The following NRXN1 variants were observed in gnomAD, a reference collection of about 807,000 sequenced individuals.
NRXN1 encodes neurexin 1.
NRXN1 carries 39 observed loss-of-function variants against 150.9 expected under a neutral mutation model. The ratio of observed to expected loss-of-function variants is 0.26; its 90% CI spans 0.20 to 0.34. The LOEUF is 0.34. Among genes scored for constraint, NRXN1 ranks in the 10% least tolerant of loss-of-function variants. NRXN1 has a pLI of 1.00. For missense variants in NRXN1, 1,815 were observed against 1,949.9 expected (o/e 0.93, Z 1.30); for synonymous variants, 924 against 757.0 (o/e 1.22, Z -3.62).
intron 5 of NRXN1, among the ~76,000 whole-genome samples, chr2:50,904,644 T>C (rs758197088): frequency 2.6e-5 from 4 of 151,750 alleles, no homozygotes; most frequent in Non-Finnish European, 4.4e-5. Context: ...AAACAACCTG[T>C]CTGCATTAAA....
At chr2:50,372,920 A>G (rs1198476377) in intron 17 of NRXN1, among the ~76,000 whole-genome samples, 1 of 152,086 alleles carries the variant, frequency 6.6e-6, no homozygotes, top group Non-Finnish European at 1.5e-5. Flanking sequence ...ACCTTACCAT[A>G]CCTGCTTCTT....
At chr2:50,465,406 C>G (rs770089839) in intron 17 of NRXN1, 36 bp downstream of exon 17, 15 of 1,553,736 alleles carry the variant, frequency 9.7e-6, no homozygotes, top group Admixed American at 5.6e-5. Flanking sequence ...CTGGAAGCAA[C>G]GATGAGTATC....
At chr2:49,922,374 T>C in intron 22 of NRXN1, 123 bp from the exon 23 acceptor site, 1 of 991,070 alleles carries the variant, frequency 1.0e-6, no homozygotes, top group East Asian at 2.6e-5. Context: ...GGTATGCTAT[T>C]GATAAATGTA....
chr2:50,463,631 C>T (rs1251576992), intron 17 of NRXN1, among the ~76,000 whole-genome samples: 1 of 151,652 alleles, frequency 6.6e-6, no homozygotes, highest in Non-Finnish European at 1.5e-5. Flanking sequence ...AAAAATCATT[C>T]GAAGACAGCA....
At chr2:50,937,510 C>G (rs913080772) in intron 2 of NRXN1, among the ~76,000 whole-genome samples, 3 of 152,100 alleles carry the variant, frequency 2.0e-5, no homozygotes, top group Non-Finnish European at 4.4e-5. Context: ...GGAACTCAAT[C>G]AACTGGACAT....
intron 18 of NRXN1, among the ~76,000 whole-genome samples, chr2:50,117,787 A>C (rs1399997265): frequency 1.3e-5 from 2 of 151,814 alleles, no homozygotes; most frequent in Non-Finnish European, 2.9e-5. Context: ...AAAAAAAAAA[A>C]CAACCAACTG....
chr2:50,273,244 C>A (rs1420000442), intron 17 of NRXN1, among the ~76,000 whole-genome samples: 1 of 152,158 alleles, frequency 6.6e-6, no homozygotes. Context: ...AACTGCACAA[C>A]ATTTTCCCCC....
intron 17 of NRXN1, among the ~76,000 whole-genome samples, chr2:50,330,061 G>A (rs960518719): frequency 1.3e-5 from 2 of 151,932 alleles, no homozygotes; most frequent in South Asian, 2.1e-4. Flanking sequence ...GATATGCCAC[G>A]TATCTCTAAA....
chr2:50,356,445 G>C (rs1009945291), intron 17 of NRXN1, among the ~76,000 whole-genome samples: 1 of 152,006 alleles, frequency 6.6e-6, no homozygotes, highest in Non-Finnish European at 1.5e-5. Flanking sequence ...TGACCTCTGA[G>C]GCATTTTGAA....
chr2:50,899,317 A>C (rs750518366), intron 5 of NRXN1, among the ~76,000 whole-genome samples: 11 of 152,166 alleles, frequency 7.2e-5, no homozygotes, highest in Admixed American at 2.6e-4. Context: ...ATCAGATAAA[A>C]CTGGTTGCAG....
intron 17 of NRXN1, among the ~76,000 whole-genome samples, chr2:50,315,091 CT>C (rs970819468): frequency 6.6e-6 from 1 of 151,890 alleles, no homozygotes; most frequent in African/African-American, 2.4e-5. Flanking sequence ...TGCTTGGGTT[CT>C]TTTTTTAAAA....
chr2:50,876,204 C>A (rs978096664), intron 5 of NRXN1, among the ~76,000 whole-genome samples: 2 of 151,708 alleles, frequency 1.3e-5, no homozygotes, highest in South Asian at 2.1e-4. Flanking sequence ...AATATAAAAC[C>A]CATCCTAGAG....
At chr2:50,691,918 T>G (rs1692142333) in intron 5 of NRXN1, among the ~76,000 whole-genome samples, 1 of 152,188 alleles carries the variant, frequency 6.6e-6, no homozygotes, top group Non-Finnish European at 1.5e-5. Flanking sequence ...ATATACACAA[T>G]TTAGCTTATA....
chr2:50,336,615 T>A (rs1306422743), intron 17 of NRXN1, among the ~76,000 whole-genome samples: 1 of 152,228 alleles, frequency 6.6e-6, no homozygotes, highest in East Asian at 1.9e-4. Context: ...TAATTGTAAA[T>A]CATGACTGCG....
At chr2:50,450,513 C>A (rs1286213644) in intron 17 of NRXN1, among the ~76,000 whole-genome samples, 1 of 151,940 alleles carries the variant, frequency 6.6e-6, no homozygotes, top group African/African-American at 2.4e-5. Flanking sequence ...TTCTTTGAGG[C>A]AGGGACCCAA....
At chr2:51,031,781 C>G (rs1671598312) in intron 1 of NRXN1, among the ~76,000 whole-genome samples, 200 bp downstream of exon 1, 1 of 152,064 alleles carries the variant, frequency 6.6e-6, no homozygotes, top group South Asian at 2.1e-4. Flanking sequence ...GTTACTACCC[C>G]AGTTCCACCA....
At chr2:51,021,320 A>G (rs1307936673) in intron 2 of NRXN1, among the ~76,000 whole-genome samples, 1 of 151,928 alleles carries the variant, frequency 6.6e-6, no homozygotes, top group Non-Finnish European at 1.5e-5. Flanking sequence ...TATTTATAGG[A>G]GTTAATTCTG....
chr2:50,341,287 A>G (rs1167669749), intron 17 of NRXN1, among the ~76,000 whole-genome samples: 2 of 152,196 alleles, frequency 1.3e-5, no homozygotes, highest in African/African-American at 2.4e-5. Flanking sequence ...ACTGAATTCC[A>G]TAAGTCACTG....
At chr2:50,274,636 A>G (rs1216616383) in intron 17 of NRXN1, among the ~76,000 whole-genome samples, 2 of 152,232 alleles carry the variant, frequency 1.3e-5, no homozygotes, top group Non-Finnish European at 2.9e-5. Context: ...CTGTAAAAAT[A>G]GACATCACTT....
Sources: allele counts gnomAD v4.1 joint callset (sites outside exome capture counted in the v4.1 genomes callset), GRCh38; gene constraint gnomAD v4.1.1; transcripts MANE v1.5; gene names NCBI Gene and HGNC (gene_info 2026-07-23, HGNC 2026-07-21).